Variants in PRH1 observed in about 807,000 individuals in gnomAD.
The protein encoded by PRH1 is proline rich protein HaeIII subfamily 1.
Under a neutral mutation model 7.9 loss-of-function variants are expected in PRH1, and 7 were observed. The ratio of observed to expected loss-of-function variants is 0.89; its 90% CI spans 0.50 to 1.67. The LOEUF (loss-of-function observed/expected upper bound fraction) is 1.67, where lower values mean the gene tolerates loss of function less well. Ranked by LOEUF, PRH1 falls within the 40% of genes most tolerant of loss-of-function variation. The pLI is 0.00. For synonymous variants in PRH1, 45 were observed against 80.8 expected (o/e 0.56, Z 2.38); for missense variants, 109 against 223.6 (o/e 0.49, Z 3.27).
intron 1 of PRH1, among the ~76,000 whole-genome samples, chr12:11,096,792 TTTTTG>T (rs1945078649): frequency 8.7e-6 from 1 of 114,298 alleles, no homozygotes; most frequent in Non-Finnish European, 2.1e-5. Context: ...GTTTTTGTTT[TTTTTG>T]TTGTTGTTGT....
exon 1 of PRH1, chr12:11,047,168 T>A: frequency 2.5e-6 from 1 of 404,464 alleles, no homozygotes; most frequent in Non-Finnish European, 5.5e-6. Flanking sequence ...CCTTGGGGCC[T>A]TGAGCCAAAT....
At chr12:10,884,087 C>T in intron 1 of PRH1, 67 bp downstream of exon 1, 1 of 1,593,220 alleles carries the variant, frequency 6.3e-7, no homozygotes, top group East Asian at 2.2e-5. Context: ...CCTCCACTTT[C>T]CTCCTCTATA....
intron 1 of PRH1, among the ~76,000 whole-genome samples, chr12:11,036,021 G>T (rs748706636): frequency 6.6e-6 from 1 of 152,118 alleles, no homozygotes; most frequent in Non-Finnish European, 1.5e-5. Flanking sequence ...AGCCTCCGGA[G>T]TAGCTGGGAC....
At chr12:11,072,811 G>A (rs79762537) in intron 1 of PRH1, among the ~76,000 whole-genome samples, 30,226 of 89,884 alleles carry the variant, frequency 0.34, 3,660 homozygotes, top group Non-Finnish European at 0.43. Context: ...CGGGTGGGTC[G>A]GGAGATTAAA....
chr12:10,926,440 G>C (rs1246647484), intron 2 of PRH1, among the ~76,000 whole-genome samples: 1 of 152,164 alleles, frequency 6.6e-6, no homozygotes, highest in African/African-American at 2.4e-5. Context: ...AAAAGATTTA[G>C]TCATGTGGGT....
chr12:10,906,587 T>A (rs1040250208), intron 2 of PRH1, among the ~76,000 whole-genome samples: 2 of 152,176 alleles, frequency 1.3e-5, no homozygotes, highest in African/African-American at 4.8e-5. Context: ...TGGGAGATAA[T>A]TGAATGATGG....
intron 1 of PRH1, chr12:11,061,937 G>A (rs754338836): frequency 6.8e-6 from 11 of 1,613,842 alleles, no homozygotes; most frequent in South Asian, 2.2e-5. Context: ...CTCTTTAAGT[G>A]AAGAAAAATA....
chr12:11,105,442 G>A (rs906590860), intron 1 of PRH1, among the ~76,000 whole-genome samples: 9 of 152,136 alleles, frequency 5.9e-5, no homozygotes, highest in Non-Finnish European at 1.0e-4. Flanking sequence ...TGTGACCAAT[G>A]TCAAACAGGA....
In PRH1 at chr12:11,133,906, G is replaced by C. The variant is rs568940139; in HGVS notation, n.40-12726C>G. 177 of 1,614,140 alleles carry C rather than the reference G, an allele frequency of 1.1e-4. 1 individual carries two copies. The South Asian group carries it at 1.8e-3, about 17-fold the overall frequency. On this transcript the variant is annotated intron_variant and non_coding_transcript_variant, in intron 1 of 1. Transcript: ENST00000541175. ...TTATGCGAAGAAAAATAAGGTTGGA[G>C]AAATTGGCAATCCTGAGCAAATAAA...
chr12:11,021,747 GT>G (rs1457073974), intron 1 of PRH1: 1 of 1,614,062 alleles, frequency 6.2e-7, no homozygotes, highest in Non-Finnish European at 8.5e-7. Flanking sequence ...GGATGAATGA[GT>G]GGAATGAAGG....
At chr12:11,073,412 G>A (rs1338494388) in intron 1 of PRH1, among the ~76,000 whole-genome samples, 1 of 129,628 alleles carries the variant, frequency 7.7e-6, no homozygotes, top group Non-Finnish European at 1.8e-5. Flanking sequence ...GGGATTACAG[G>A]GGTGAGCCAC....
At chr12:10,927,576 T>G (rs1030032890) in intron 2 of PRH1, among the ~76,000 whole-genome samples, 8 of 152,206 alleles carry the variant, frequency 5.3e-5, no homozygotes, top group African/African-American at 1.9e-4. Flanking sequence ...GGGTCCCTTA[T>G]GAGAACATTG....
At chr12:10,911,568 C>T (rs918642121) in intron 2 of PRH1, among the ~76,000 whole-genome samples, 2 of 152,116 alleles carry the variant, frequency 1.3e-5, no homozygotes, top group African/African-American at 4.8e-5. Context: ...TTTTAAGTCA[C>T]TGATGGATGC....
At chr12:11,111,342 A>AATAC (rs1301590122) in intron 1 of PRH1, among the ~76,000 whole-genome samples, 1 of 152,188 alleles carries the variant, frequency 6.6e-6, no homozygotes, top group Non-Finnish European at 1.5e-5. Context: ...AAATCAACAG[A>AATAC]ATACACATTC....
At chr12:11,092,727 A>C (rs75146957) in intron 1 of PRH1, among the ~76,000 whole-genome samples, 1 of 114,546 alleles carries the variant, frequency 8.7e-6, no homozygotes, top group Non-Finnish European at 2.1e-5. Context: ...AGTCCCCACA[A>C]GATTCAGGAA....
intron 2 of PRH1, among the ~76,000 whole-genome samples, chr12:10,920,076 T>C (rs913840840): frequency 2.0e-5 from 3 of 152,006 alleles, no homozygotes; most frequent in Non-Finnish European, 4.4e-5. Flanking sequence ...TTGATGCTTT[T>C]AGAGACAAGG....
intron 1 of PRH1, chr12:11,030,551 A>C: frequency 6.2e-7 from 1 of 1,614,218 alleles, no homozygotes; most frequent in Non-Finnish European, 8.5e-7. Context: ...TTTGCAGAAC[A>C]TGAAGACAGG....
chr12:11,141,240 T>G (rs1946693963), intron 1 of PRH1, among the ~76,000 whole-genome samples: 1 of 152,220 alleles, frequency 6.6e-6, no homozygotes, highest in African/African-American at 2.4e-5. Context: ...CACTAAGTTA[T>G]TCTCTTGAGT....
At chr12:10,924,780 T>C (rs1428909757) in intron 2 of PRH1, among the ~76,000 whole-genome samples, 1 of 152,224 alleles carries the variant, frequency 6.6e-6, no homozygotes, top group African/African-American at 2.4e-5. Flanking sequence ...TTTTCTAGTT[T>C]ATTTGCATAG....
Sources: gnomAD v4.1 joint callset for allele counts (sites outside exome capture counted in the v4.1 genomes callset) on GRCh38, gnomAD v4.1.1 for gene constraint, MANE v1.5 for transcripts, NCBI Gene and HGNC (gene_info 2026-07-23, HGNC 2026-07-21) for gene names.